The following BMP1 variants were observed in gnomAD, a reference collection of about 807,000 sequenced individuals.
BMP1 encodes the protein mammalian tolloid protein.
BMP1 carries 63 observed loss-of-function variants against 116.8 expected under a neutral mutation model. The ratio of observed to expected loss-of-function variants is 0.54; its 90% CI spans 0.44 to 0.67. BMP1 has a LOEUF of 0.67. BMP1 is among the 30% of genes least tolerant of loss of function. BMP1 has a pLI of 0.00. For missense variants in BMP1, 1,183 were observed against 1,358.9 expected (o/e 0.87, Z 2.04); for synonymous variants, 536 against 533.4 (o/e 1.00, Z -0.07).
At chr8:22,165,651 G>C (rs954595323) in intron 1 of BMP1, 98 bp downstream of exon 1, 1 of 1,327,400 alleles carries the variant, frequency 7.5e-7, no homozygotes, top group Non-Finnish European at 9.8e-7. Context: ...TGGGAAGCCG[G>C]GAGCTGCCTG....
In BMP1 at chr8:22,194,032, C is replaced by T. The variant is rs1387771718; in HGVS notation, c.1181-26C>T. The stretch of plus-strand genomic sequence containing the variant: ...TAGGGGGTGTCCTCAGGGTTCACCA[C>T]TCTTCCATCCACACTGTCTGTGCAG... On this transcript the variant is annotated intron_variant, in intron 9 of 19. Transcript: ENST00000306385. The surrounding 1 kb of genome is among the most constrained non-coding windows in gnomAD (Gnocchi z 4.5). 6.3e-7 allele frequency: 1 copy of T among 1,595,854 alleles called. No individual in the cohort carries two copies. Among genetic ancestry groups the T allele is most frequent in the African/African-American group, 1.3e-5 (1 of 74,524 alleles).
rs759806836 is a variant in BMP1, at chr8:22,165,465, C to A, written c.60C>A (p.Gly20=). The A allele has an allele frequency of 4.4e-6, 7 of 1,580,900 alleles. No homozygotes were observed. Among genetic ancestry groups the A allele is most frequent in the Non-Finnish European group, 3.4e-6 (4 of 1,167,466 alleles). ...LLGLLLLPRP[G]RPLDLADYTY... ...GGCTGCTGCTGCTCCCGCGTCCCGGCCGGCCGCTGGACTTGGCCGACTACA... is the reference window on the plus strand; with the variant it reads ...GGCTGCTGCTGCTCCCGCGTCCCGGACGGCCGCTGGACTTGGCCGACTACA... Residue 20 remains glycine, a synonymous_variant, in exon 1 of 20, where the codon GGC becomes GGA. Coordinates refer to ENST00000306385, the MANE Select transcript of BMP1 (RefSeq NM_006129.5).
At position 22,194,510 on chromosome 8, in the gene BMP1, T is replaced by C; in HGVS notation, c.1363T>C (p.Tyr455His). 1 of 1,614,208 alleles carries C rather than the reference T, an allele frequency of 6.2e-7. No homozygotes were observed. ...TCAATCGCCCAACTACCCAGACGAT[T>C]ACCGGCCCAGCAAAGTCTGCATCTG... Reference protein sequence around the residue: ...HIQSPNYPDDYRPSKVCIWRI... With the variant: ...HIQSPNYPDDHRPSKVCIWRI... Residue 455 changes from tyrosine to histidine, a missense_variant, in exon 11 of 20, where the codon TAC becomes CAC. Coordinates refer to ENST00000306385, the MANE Select transcript of BMP1 (RefSeq NM_006129.5). This position sits in a 1 kb window ranked among gnomAD's most constrained non-coding sequence, Gnocchi z 4.5.
At position 22,179,700 on chromosome 8, in the gene BMP1, T is replaced by C. The variant is rs369882085; in HGVS notation, c.837-5T>C. 12 of 1,613,874 alleles carry C rather than the reference T, an allele frequency of 7.4e-6. No individual in the cohort carries two copies. The highest frequency in any genetic ancestry group is 2.7e-5 in the African/African-American group (2 of 75,052). The stretch of plus-strand genomic sequence containing the variant: ...CTCACCCTTACTTTTCTCCCTCTTC[T>C]TCAGGGGCATCTTCCTGGATACCAT... On this transcript the variant is annotated splice_polypyrimidine_tract_variant and splice_region_variant and intron_variant, in intron 6 of 19. Coordinates refer to ENST00000306385, the MANE Select transcript of BMP1 (RefSeq NM_006129.5). This position sits in a 1 kb window ranked among gnomAD's most constrained non-coding sequence, Gnocchi z 4.6.
At chr8:22,206,232 T>G (rs1365090733) in intron 16 of BMP1, among the ~76,000 whole-genome samples, 1 of 152,220 alleles carries the variant, frequency 6.6e-6, no homozygotes, top group Non-Finnish European at 1.5e-5. Flanking sequence ...CCAGGCATAG[T>G]GGCTCACGCC....
At position 22,196,753 on chromosome 8, in the gene BMP1, C is replaced by A. The variant is rs758662328; in HGVS notation, c.1839C>A (p.Pro613=). ...TSPGWPKEYP[P]NKNCIWQLVA... is the part of the protein sequence containing the mutation. ...CGGGCTGGCCCAAGGAGTACCCCCC[C>A]AACAAGAACTGCATCTGGCAGCTGG... The change falls in exon 14 of 20, where the codon CCC becomes CCA. Residue 613 remains proline (P), a synonymous_variant. Coordinates refer to ENST00000306385, the MANE Select transcript of BMP1 (RefSeq NM_006129.5). 3 of 1,614,122 alleles carry A rather than the reference C, an allele frequency of 1.9e-6. No individual in the cohort carries two copies. Among genetic ancestry groups the A allele is most frequent in the Non-Finnish European group, 1.7e-6 (2 of 1,180,014 alleles).
chr8:22,195,030 C>T, intron 12 of BMP1, 111 bp downstream of exon 12: 2 of 1,213,024 alleles, frequency 1.6e-6, no homozygotes, highest in Non-Finnish European at 2.3e-6. Flanking sequence ...ACCAGTGAGA[C>T]CCCAGGGCTG....
At position 22,212,154 on chromosome 8, in the gene BMP1, A is replaced by C; in HGVS notation, c.*426A>C. 5.5e-6 allele frequency: 1 copy of C among 181,418 alleles called. No individual in the cohort carries two copies. The highest frequency in any genetic ancestry group is 1.2e-5 in the Non-Finnish European group (1 of 84,264). 11.2% of individuals were successfully genotyped at this position (181,418 alleles called of 1,614,324 possible). ...CGATTTGGTTTTATTTTGAGCCCCC[A>C]TTCCACCACCCCAGTTTCCTGGGGC... is the stretch of plus-strand genomic sequence containing the variant. On this transcript the variant is annotated 3_prime_UTR_variant, in exon 20 of 20. Coordinates refer to ENST00000306385, the MANE Select transcript of BMP1 (RefSeq NM_006129.5).
At chr8:22,177,999 C>T (rs1828503150) in intron 6 of BMP1, 42 bp downstream of exon 6, 3 of 1,455,642 alleles carry the variant, frequency 2.1e-6, no homozygotes, top group Admixed American at 1.8e-5. Flanking sequence ...TCGGGCAGCC[C>T]CACCCTGCCC....
At chr8:22,185,502 T>C (rs1280281581) in intron 8 of BMP1, among the ~76,000 whole-genome samples, 2 of 151,996 alleles carry the variant, frequency 1.3e-5, no homozygotes, top group Non-Finnish European at 2.9e-5. Flanking sequence ...AAGGGAATCA[T>C]GGTCAGAGGA....
Position 22,192,042 on chromosome 8 carries a change from G to T in BMP1, c.1078-7G>T. On this transcript the variant is annotated splice_polypyrimidine_tract_variant and splice_region_variant and intron_variant, in intron 8 of 19. Transcript: ENST00000306385. The stretch of plus-strand genomic sequence containing the variant: ...AGCTTAACCCTCTTCCTCCCCTGTT[G>T]CCCTAGATCATCCTGAACTTCACGT... The T allele has an allele frequency of 6.2e-7, 1 of 1,610,616 alleles. No homozygotes were observed. The highest frequency in any genetic ancestry group is 8.5e-7 in the Non-Finnish European group (1 of 1,176,988).
intron 6 of BMP1, among the ~76,000 whole-genome samples, 172 bp downstream of exon 6, chr8:22,178,129 C>T (rs1053254953): frequency 6.6e-6 from 1 of 152,186 alleles, no homozygotes; most frequent in Non-Finnish European, 1.5e-5. Context: ...GCCCTCCTGT[C>T]CTCTTCCACG....
chr8:22,178,029 C>A, intron 6 of BMP1, 72 bp downstream of exon 6: 1 of 1,229,858 alleles, frequency 8.1e-7, no homozygotes, highest in Non-Finnish European at 1.2e-6. Flanking sequence ...TATTCTCCTC[C>A]TGCCTCCCAC....
intron 9 of BMP1, 61 bp downstream of exon 9, chr8:22,192,212 T>A: frequency 2.1e-6 from 3 of 1,427,172 alleles, no homozygotes; most frequent in Non-Finnish European, 2.9e-6. Context: ...GCCACCCTCA[T>A]CACACTCTTC....
Position 22,197,236 on chromosome 8 carries a change from G to C in BMP1, c.1927-4G>C. 1 of 1,606,296 alleles carries C rather than the reference G, an allele frequency of 6.2e-7. No homozygotes were observed. Among genetic ancestry groups the C allele is most frequent in the African/African-American group, 1.3e-5 (1 of 74,898 alleles). ...GGCGGGCCTGGAGCTGGGCTTCCCT[G>C]CAGGTGTGCAAGTACGACTTCGTGG... On this transcript the variant is annotated splice_polypyrimidine_tract_variant and splice_region_variant and intron_variant, in intron 14 of 19. Coordinates refer to ENST00000306385, the MANE Select transcript of BMP1 (RefSeq NM_006129.5).
At chr8:22,193,905 C>T (rs569410668) in intron 9 of BMP1, among the ~76,000 whole-genome samples, 153 bp from the exon 10 acceptor site, 1 of 152,242 alleles carries the variant, frequency 6.6e-6, no homozygotes, top group East Asian at 1.9e-4. Context: ...TTGGACCAGA[C>T]AGAAGCCAAC....
Position 22,192,105 on chromosome 8 carries a change from CTA to C in BMP1, c.1136_1137del (p.Tyr379CysfsTer24). 6.2e-7 allele frequency: 1 copy of C among 1,614,030 alleles called. No individual in the cohort carries two copies. Among genetic ancestry groups the C allele is most frequent in the Non-Finnish European group, 8.5e-7 (1 of 1,179,916 alleles). On this transcript the variant is annotated frameshift_variant, in exon 9 of 20. Coordinates refer to ENST00000306385, the MANE Select transcript of BMP1 (RefSeq NM_006129.5). LOFTEE classifies it high-confidence loss of function. Reference sequence around the variant, plus strand: ...ACCGCAGCCGCCTGTGCTGGTACGACTATGTGGAGGTCCGAGATGGCTTCTGG... The same window carrying C: ...ACCGCAGCCGCCTGTGCTGGTACGACTGTGGAGGTCCGAGATGGCTTCTGG... The part of the protein sequence containing the change: ...LYRSRLCWYD[Y>X]VEVRDGFWRK...
At chr8:22,186,056 G>C (rs1382501267) in intron 8 of BMP1, among the ~76,000 whole-genome samples, 1 of 151,708 alleles carries the variant, frequency 6.6e-6, no homozygotes, top group African/African-American at 2.4e-5. Flanking sequence ...GGCTGGTCTC[G>C]GACTCCTGAC....
chr8:22,189,654 T>TG (rs1004483311), intron 8 of BMP1, among the ~76,000 whole-genome samples: 5 of 151,808 alleles, frequency 3.3e-5, no homozygotes, highest in African/African-American at 9.7e-5. Context: ...TTTCTAGAGA[T>TG]GGGGGTCTCA....
Sources: allele counts gnomAD v4.1 joint callset (sites outside exome capture counted in the v4.1 genomes callset), GRCh38; gene constraint gnomAD v4.1.1; non-coding constraint Gnocchi (gnomAD v3.1); transcripts MANE v1.5; gene names NCBI Gene and HGNC (gene_info 2026-07-23, HGNC 2026-07-21).